NCAM2: variants seen among roughly 807,000 people sequenced by gnomAD.
NCAM2 encodes N-CAM-2.
Under a neutral mutation model 98.1 loss-of-function variants are expected in NCAM2, and 30 were observed. That is an observed-to-expected ratio of 0.31 (90% CI 0.23 to 0.41). NCAM2 has a LOEUF of 0.41. Ranked by LOEUF, NCAM2 falls within the 10% of genes least tolerant of loss-of-function variation. The probability of loss-of-function intolerance (pLI) is 1.00; values close to 1 mark genes in which losing one functional copy is unlikely to be tolerated. For synonymous variants in NCAM2, 368 were observed against 342.4 expected, an observed-to-expected ratio of 1.07 and a Z score of -0.83; for missense variants, 867 against 1,005.8, an observed-to-expected ratio of 0.86 and a Z score of 1.87.
chr21:21,213,891 G>C (rs7278887), intron 1 of NCAM2, among the ~76,000 whole-genome samples: 151,318 of 152,238 alleles, frequency 0.99, 75,210 homozygotes, highest in East Asian at 1. Context: ...TCCAGGCCTT[G>C]CAATCATAGA....
chr21:21,168,021 A>G (rs1331514796), intron 1 of NCAM2, among the ~76,000 whole-genome samples: 1 of 152,158 alleles, frequency 6.6e-6, no homozygotes, highest in Admixed American at 6.5e-5. Context: ...ACTACAGTCC[A>G]ACATAGCGCA....
chr21:21,062,706 A>C (rs2065348357), intron 1 of NCAM2, among the ~76,000 whole-genome samples: 1 of 152,242 alleles, frequency 6.6e-6, no homozygotes, highest in Admixed American at 6.5e-5. Flanking sequence ...TTTGAAAGAC[A>C]AAATGTATTG....
At chr21:21,321,574 A>G (rs1235292796) in intron 5 of NCAM2, among the ~76,000 whole-genome samples, 1 of 152,128 alleles carries the variant, frequency 6.6e-6, no homozygotes, top group Non-Finnish European at 1.5e-5. Flanking sequence ...CCTTTAATCC[A>G]TCTTAAGTTA....
chr21:21,530,068 A>AAATAAAATTATATAATTTAATTT (rs1555912519), intron 16 of NCAM2, among the ~76,000 whole-genome samples: 2 of 123,290 alleles, frequency 1.6e-5, no homozygotes, highest in Admixed American at 8.7e-5. Context: ...TATATACTTT[A>AAATAAAATTATATAATTTAATTT]AATAAAATTA....
rs777801546 is a variant in NCAM2, at chr21:21,538,899, C to T, written c.*942C>T. 1.3e-5 allele frequency: 2 copies of T among 151,876 alleles called. No individual in the cohort carries two copies. The highest frequency in any genetic ancestry group is 2.9e-5 in the Non-Finnish European group (2 of 67,940). 9.4% of individuals were successfully genotyped at this position (151,876 alleles called of 1,614,324 possible). A position where few individuals can be genotyped will look rare whatever the true frequency, so the allele number is the denominator to read the frequency against. Reference sequence around the variant, plus strand: ...CATATCCTCAGATATATTTTTAGCCCATGGTTTTATATAATCTTTAAGAAC... The same window carrying T: ...CATATCCTCAGATATATTTTTAGCCTATGGTTTTATATAATCTTTAAGAAC... On this transcript the variant is annotated 3_prime_UTR_variant, in exon 18 of 18. Coordinates refer to ENST00000400546, the MANE Select transcript of NCAM2 (RefSeq NM_004540.5).
chr21:21,186,562 A>C (rs1372304115), intron 1 of NCAM2, among the ~76,000 whole-genome samples: 1 of 152,200 alleles, frequency 6.6e-6, no homozygotes, highest in Admixed American at 6.5e-5. Flanking sequence ...TGTCTATACA[A>C]AACAGTAATA....
rs1488683611 is a variant in NCAM2, at chr21:21,324,465, C to T, written c.702C>T (p.Ala234=). 3.7e-6 allele frequency: 6 copies of T among 1,613,506 alleles called. No individual in the cohort carries two copies. Among genetic ancestry groups the T allele is most frequent in the Non-Finnish European group, 5.1e-6 (6 of 1,179,578 alleles). The part of the protein sequence containing the change: ...RGEEMTFSCR[A]SGSPEPAISW... ...AAGAAATGACATTTTCCTGCAGGGCCTCAGGCTCTCCAGAACCCGCCATCT... is the reference window on the plus strand; with the variant it reads ...AAGAAATGACATTTTCCTGCAGGGCTTCAGGCTCTCCAGAACCCGCCATCT... The change falls in exon 6 of 18, where the codon GCC becomes GCT. Residue 234 remains alanine, a synonymous_variant. Coordinates refer to ENST00000400546, the MANE Select transcript of NCAM2 (RefSeq NM_004540.5).
intron 12 of NCAM2, among the ~76,000 whole-genome samples, chr21:21,450,201 GAAT>G (rs1179075363): frequency 6.6e-6 from 1 of 151,650 alleles, no homozygotes; most frequent in African/African-American, 2.4e-5. Flanking sequence ...TAATCACACT[GAAT>G]AAATGATTGA....
Position 21,454,974 on chromosome 21 carries a change from A to T in NCAM2, c.1655-11632A>T, listed in dbSNP as rs1224197001. 2.6e-5 allele frequency among the ~76,000 whole-genome samples: 4 copies of T among 151,940 alleles called. No individual in the cohort carries two copies. In the East Asian group the frequency reaches 7.7e-4, roughly 29 times the overall value. Reference sequence around the variant, plus strand: ...GCCTTAATATACATTTTCCTTCTCTAGATACAAGGGGAAATTATCACAAAT... The same window carrying T: ...GCCTTAATATACATTTTCCTTCTCTTGATACAAGGGGAAATTATCACAAAT... On this transcript the variant is annotated intron_variant, in intron 12 of 17. Coordinates refer to ENST00000400546, the MANE Select transcript of NCAM2 (RefSeq NM_004540.5).
Position 21,494,907 on chromosome 21 carries a change from A to ATT in NCAM2, c.2078-13938_2078-13937dup, listed in dbSNP as rs35498969. On this transcript the variant is annotated intron_variant, in intron 15 of 17. Coordinates refer to ENST00000400546, the MANE Select transcript of NCAM2 (RefSeq NM_004540.5). ...TTATGTATGAATTTGTTTTTAGCCA[A>ATT]TTTTTTTCAAAATAAGCACAGCTCA... Among the ~76,000 whole-genome samples, 314 of 151,636 alleles carry ATT rather than the reference A, an allele frequency of 2.1e-3. 1 individual carries two copies. The highest frequency in any genetic ancestry group is 7.1e-3 in the African/African-American group (295 of 41,456).
At chr21:21,331,184 C>T (rs1391084342) in intron 6 of NCAM2, among the ~76,000 whole-genome samples, 3 of 151,872 alleles carry the variant, frequency 2.0e-5, no homozygotes, top group African/African-American at 7.3e-5. Flanking sequence ...CTCGCTCTGC[C>T]ACCTGGGCAG....
intron 1 of NCAM2, among the ~76,000 whole-genome samples, chr21:21,005,811 A>C (rs547254245): frequency 0.016 from 2,049 of 129,450 alleles, 49 homozygotes; most frequent in African/African-American, 0.048. Flanking sequence ...CGCCCCCCCC[A>C]AAAAAAAAAC....
chr21:21,116,451 A>ATTC, intron 1 of NCAM2, among the ~76,000 whole-genome samples: 1 of 152,152 alleles, frequency 6.6e-6, no homozygotes, highest in East Asian at 1.9e-4. Context: ...ATGGCTGACG[A>ATTC]AGTGTCTTTC....
chr21:21,358,097 G>T (rs112931160), intron 8 of NCAM2, among the ~76,000 whole-genome samples: 122 of 152,188 alleles, frequency 8.0e-4, no homozygotes, highest in African/African-American at 2.9e-3. Context: ...TTTCTCTAGC[G>T]TAATCTGCAA....
At position 21,477,264 on chromosome 21, in the gene NCAM2, C is replaced by T; in HGVS notation, c.1897-27C>T. The T allele has an allele frequency of 2.6e-6, 4 of 1,538,802 alleles. No individual in the cohort carries two copies. In the South Asian group the frequency reaches 3.8e-5, roughly 15 times the overall value. ...TGTCACTTTAGTGTATGGATATTTA[C>T]AAACTGCATTTTTATTGCTTTCACA... On this transcript the variant is annotated intron_variant, in intron 14 of 17. Coordinates refer to ENST00000400546, the MANE Select transcript of NCAM2 (RefSeq NM_004540.5).
intron 1 of NCAM2, among the ~76,000 whole-genome samples, chr21:21,082,985 T>C (rs1319436264): frequency 6.6e-6 from 1 of 152,242 alleles, no homozygotes; most frequent in African/African-American, 2.4e-5. Context: ...AGAGGTCTAC[T>C]GTTTGCTCCT....
chr21:21,466,512 T>C, intron 12 of NCAM2, 94 bp from the exon 13 acceptor site: 1 of 925,298 alleles, frequency 1.1e-6, no homozygotes, highest in Non-Finnish European at 1.5e-6. Context: ...CTCAGAATTG[T>C]AATAGTTTGA....
intron 1 of NCAM2, among the ~76,000 whole-genome samples, chr21:21,210,165 A>G (rs979589351): frequency 2.0e-5 from 3 of 152,214 alleles, no homozygotes; most frequent in African/African-American, 7.2e-5. Flanking sequence ...AATCAAATAC[A>G]TGTTACATTG....
chr21:21,009,003 G>A (rs1015484869), intron 1 of NCAM2, among the ~76,000 whole-genome samples: 9 of 152,100 alleles, frequency 5.9e-5, no homozygotes, highest in African/African-American at 1.9e-4. Context: ...GTACTTTACT[G>A]TGACCTTCCA....
Sources: allele counts gnomAD v4.1 joint callset (sites outside exome capture counted in the v4.1 genomes callset), GRCh38; gene constraint gnomAD v4.1.1; transcripts MANE v1.5; gene names NCBI Gene and HGNC (gene_info 2026-07-23, HGNC 2026-07-21).